RGS10: variants seen among roughly 807,000 people sequenced by gnomAD.
RGS10 encodes the protein regulator of G-protein signalling 10.
In RGS10, 11 loss-of-function variants were observed where a neutral mutation model predicts 23.5. The ratio of observed to expected loss-of-function variants is 0.47; its 90% CI spans 0.29 to 0.77. RGS10 has a LOEUF of 0.77. Among genes scored for constraint, RGS10 ranks in the 30% least tolerant of loss-of-function variants. The probability of loss-of-function intolerance (pLI) is 0.08; values close to 1 mark genes in which losing one functional copy is unlikely to be tolerated. For missense variants in RGS10, 180 were observed against 226.3 expected (o/e 0.80, Z 1.31); for synonymous variants, 77 against 83.2 (o/e 0.92, Z 0.41).
At chr10:119,501,999 T>C (rs1286389171) in intron 4 of RGS10, among the ~76,000 whole-genome samples, 1 of 152,134 alleles carries the variant, frequency 6.6e-6, no homozygotes, top group East Asian at 1.9e-4. Flanking sequence ...GCCCTTCTAG[T>C]CTTGCCCGAG....
intron 1 of RGS10, 72 bp downstream of exon 1, chr10:119,542,518 A>T: frequency 7.8e-7 from 1 of 1,284,930 alleles, no homozygotes; most frequent in Non-Finnish European, 1.0e-6. Context: ...CGAGCACAAG[A>T]GGGAGGGCAG....
At chr10:119,508,327 G>C (rs1444338329) in intron 4 of RGS10, among the ~76,000 whole-genome samples, 1 of 152,112 alleles carries the variant, frequency 6.6e-6, no homozygotes, top group Non-Finnish European at 1.5e-5. Flanking sequence ...TGTAGGCATG[G>C]GGACCCCTGA....
intron 1 of RGS10, among the ~76,000 whole-genome samples, chr10:119,536,002 T>C (rs1399903197): frequency 6.6e-6 from 1 of 152,238 alleles, no homozygotes; most frequent in African/African-American, 2.4e-5. Flanking sequence ...AGAGTCATTT[T>C]GTTACAACTG....
intron 1 of RGS10, chr10:119,536,453 C>T (rs373023321): frequency 2.7e-5 from 43 of 1,612,392 alleles, no homozygotes; most frequent in Middle Eastern, 1.6e-4. Flanking sequence ...GGGGTGGGGG[C>T]GATTCCTTAC....
chr10:119,531,397 T>C (rs903100747), intron 1 of RGS10, among the ~76,000 whole-genome samples: 1 of 152,190 alleles, frequency 6.6e-6, no homozygotes, highest in South Asian at 2.1e-4. Flanking sequence ...AACCAGACCA[T>C]GTTTGGGTTT....
chr10:119,515,882 C>A (rs529480035), intron 3 of RGS10, among the ~76,000 whole-genome samples: 121 of 152,282 alleles, frequency 7.9e-4, no homozygotes, highest in African/African-American at 2.5e-3. Flanking sequence ...TCTCCTGGAA[C>A]AAAATTGCTG....
At chr10:119,502,950 T>C (rs1482948324) in intron 4 of RGS10, among the ~76,000 whole-genome samples, 5 of 152,084 alleles carry the variant, frequency 3.3e-5, no homozygotes, top group African/African-American at 2.4e-5. Context: ...GTGGGAAGCC[T>C]GATTGCTTTA....
At chr10:119,504,714 G>C (rs1233059172) in intron 4 of RGS10, among the ~76,000 whole-genome samples, 1 of 152,144 alleles carries the variant, frequency 6.6e-6, no homozygotes, top group Non-Finnish European at 1.5e-5. Context: ...ACACACTGAG[G>C]GAAGAAGGCG....
At chr10:119,523,487 A>G (rs536989494) in intron 3 of RGS10, among the ~76,000 whole-genome samples, 1 of 151,218 alleles carries the variant, frequency 6.6e-6, no homozygotes, top group East Asian at 1.9e-4. Flanking sequence ...AAACATGGTG[A>G]AACCCTGTCT....
rs11550215 is a variant in RGS10 at position 119,515,587 on chromosome 10, G to A, written c.321C>T (p.Asn107=). 86,115 of 1,614,056 alleles carry A rather than the reference G, an allele frequency of 0.053. 2,656 individuals carry two copies. Among genetic ancestry groups the A allele is most frequent in the Middle Eastern group, 0.099 (600 of 6,062 alleles). Residue 107 remains asparagine, a synonymous_variant, in exon 4 of 5, where the codon AAC becomes AAT. Coordinates refer to ENST00000369103, the MANE Select transcript of RGS10 (RefSeq NM_001005339.2). ...CGTTGAGCCGAGACTGCCCCTCCACGTTGACCTGTGATGAGGCCTTGCTGG... is the reference window on the plus strand; with the variant it reads ...CGTTGAGCCGAGACTGCCCCTCCACATTGACCTGTGATGAGGCCTTGCTGG... ...FLSSKASSQV[N]VEGQSRLNEK...
Position 119,517,764 on chromosome 10 carries a change from G to T in RGS10, c.256-2112C>A, listed in dbSNP as rs1844163096. On this transcript the variant is annotated intron_variant, in intron 3 of 4. Transcript: ENST00000369103. This position sits in a 1 kb window ranked among gnomAD's most constrained non-coding sequence, Gnocchi z 5.0. Reference sequence around the variant, plus strand: ...TGATTCTGAAATAGAGAAGTGCAATGAATGGCTTGAGTCTTTGAGGTGGGG... The same window carrying T: ...TGATTCTGAAATAGAGAAGTGCAATTAATGGCTTGAGTCTTTGAGGTGGGG... Among the ~76,000 whole-genome samples the T allele has an allele frequency of 6.6e-6, 1 of 152,210 alleles. No homozygotes were observed. The highest frequency in any genetic ancestry group is 6.5e-5 in the Admixed American group (1 of 15,282).
chr10:119,511,860 A>G (rs1844079720), intron 4 of RGS10, among the ~76,000 whole-genome samples: 1 of 152,098 alleles, frequency 6.6e-6, no homozygotes. Flanking sequence ...CCTAGCTGTC[A>G]GTGATCACCT....
chr10:119,519,554 CCTGTCTCCCTGTGTCTGTCTCCCAGCTT>C (rs1564712218), intron 3 of RGS10, among the ~76,000 whole-genome samples: 1 of 128,176 alleles, frequency 7.8e-6, no homozygotes, highest in East Asian at 2.5e-4. Context: ...TCCCCCAGCT[CCTGTCTCCCTGTGTCTGTCTCCCAGCTT>C]CTGTCTCCCT....
chr10:119,539,357 G>T (rs1844417091), intron 1 of RGS10, among the ~76,000 whole-genome samples: 1 of 152,240 alleles, frequency 6.6e-6, no homozygotes, highest in African/African-American at 2.4e-5. Context: ...CTGTATGACA[G>T]GCCCGAGGGG....
At chr10:119,521,610 AAAGG>A (rs1380087448) in intron 3 of RGS10, among the ~76,000 whole-genome samples, 4,081 of 102,136 alleles carry the variant, frequency 0.04, 154 homozygotes, top group East Asian at 0.23. Context: ...GGAAAGAAAG[AAAGG>A]AAGGAAGGAA....
intron 3 of RGS10, among the ~76,000 whole-genome samples, chr10:119,520,707 A>G (rs10886506): frequency 0.38 from 57,117 of 151,396 alleles, 11,077 homozygotes; most frequent in African/African-American, 0.46. Context: ...TATCAGGCTT[A>G]TGGCCCCCCA....
chr10:119,515,139 G>C (rs981710248), intron 4 of RGS10, among the ~76,000 whole-genome samples: 9 of 152,144 alleles, frequency 5.9e-5, no homozygotes, highest in Admixed American at 3.3e-4. Flanking sequence ...GCCACTTTGA[G>C]TTCTCCTGCT....
intron 4 of RGS10, among the ~76,000 whole-genome samples, chr10:119,503,514 G>T (rs1455632311): frequency 1.3e-5 from 2 of 152,200 alleles, no homozygotes; most frequent in Non-Finnish European, 2.9e-5. Flanking sequence ...CAGCAGCAGA[G>T]GCTGGGGAAA....
intron 1 of RGS10, among the ~76,000 whole-genome samples, chr10:119,534,528 T>C (rs1209797505): frequency 1.4e-5 from 2 of 144,362 alleles, no homozygotes; most frequent in Non-Finnish European, 3.0e-5. Flanking sequence ...GAGGCGGAGG[T>C]TGCAGTCAGC....
Sources: allele counts gnomAD v4.1 joint callset (sites outside exome capture counted in the v4.1 genomes callset), GRCh38; gene constraint gnomAD v4.1.1; non-coding constraint Gnocchi (gnomAD v3.1); transcripts MANE v1.5; gene names NCBI Gene and HGNC (gene_info 2026-07-23, HGNC 2026-07-21).